The following KSR2 variants were observed in gnomAD, a reference collection of about 807,000 sequenced individuals.
KSR2 encodes the protein kinase suppressor of ras 2.
Under a neutral mutation model 107.8 loss-of-function variants are expected in KSR2, and 25 were observed. That is an observed-to-expected ratio of 0.23 (90% CI 0.17 to 0.32). KSR2 has a LOEUF of 0.32. KSR2 is among the 10% of genes least tolerant of loss of function. KSR2 has a pLI of 1.00. For missense variants in KSR2, 887 were observed against 1,268.9 expected, an observed-to-expected ratio of 0.70 and a Z score of 4.57; for synonymous variants, 480 against 507.0, an observed-to-expected ratio of 0.95 and a Z score of 0.71.
chr12:117,525,149 G>A lies in KSR2; in HGVS notation c.1922C>T (p.Ser641Leu), dbSNP rs531883128. Residue 641 changes from serine to leucine, a missense_variant, in exon 14 of 20, where the codon TCG becomes TTG. Around this residue, in one of 8 missense-constraint regions of KSR2, gnomAD observed 308 missense variants for 506.2 expected, o/e 0.61. Coordinates refer to ENST00000339824, the MANE Select transcript of KSR2 (RefSeq NM_173598.6). ...DFEEMNLSLL[S>L]ARSFPRKASQ... is the part of the protein sequence containing the mutation. ...GGCCTTGCGTGGGAAGCTCCGGGCC[G>A]AGAGGAGGGACAGGTTCATCTCCTC... 10 of 1,613,948 alleles carry A rather than the reference G, an allele frequency of 6.2e-6. No individual in the cohort carries two copies. The highest frequency in any genetic ancestry group is 5.5e-5 in the South Asian group (5 of 91,076).
chr12:117,817,863 G>A (rs1201683008), intron 3 of KSR2, among the ~76,000 whole-genome samples: 2 of 152,180 alleles, frequency 1.3e-5, no homozygotes, highest in Non-Finnish European at 2.9e-5. Context: ...CACTTTGGGA[G>A]GCCGAGGCAG....
At chr12:117,730,352 A>G (rs1336260867) in intron 4 of KSR2, among the ~76,000 whole-genome samples, 1 of 152,196 alleles carries the variant, frequency 6.6e-6, no homozygotes, top group Non-Finnish European at 1.5e-5. Context: ...GGCACTTAGC[A>G]CAATGCCCAT....
At chr12:117,681,995 A>C (rs146776745) in intron 4 of KSR2, among the ~76,000 whole-genome samples, 223 of 152,372 alleles carry the variant, frequency 1.5e-3, no homozygotes, top group African/African-American at 5.2e-3. Flanking sequence ...ACTATTCACA[A>C]TAGCAAAGAC....
intron 1 of KSR2, among the ~76,000 whole-genome samples, chr12:117,894,576 T>C (rs1894447886): frequency 6.6e-6 from 1 of 152,184 alleles, no homozygotes; most frequent in Non-Finnish European, 1.5e-5. Flanking sequence ...TGTCAAACTG[T>C]AATCCCCACA....
At chr12:117,948,676 G>A (rs556473054) in intron 1 of KSR2, among the ~76,000 whole-genome samples, 2 of 152,230 alleles carry the variant, frequency 1.3e-5, no homozygotes, top group Admixed American at 6.5e-5. Flanking sequence ...TCAATGAATG[G>A]TGTAGAAAAA....
chr12:117,704,452 A>G (rs1231935515), intron 4 of KSR2, among the ~76,000 whole-genome samples: 1 of 152,212 alleles, frequency 6.6e-6, no homozygotes, highest in Non-Finnish European at 1.5e-5. Flanking sequence ...GAGAGAAGGG[A>G]TCCCCCAAAA....
chr12:117,859,509 TGCAGA>T (rs1347947349), intron 2 of KSR2, among the ~76,000 whole-genome samples: 3 of 149,748 alleles, frequency 2.0e-5, no homozygotes, highest in Admixed American at 6.8e-5. Context: ...CAGGCTGGAG[TGCAGA>T]GGCATGATCA....
chr12:117,651,697 C>T (rs1375460137), intron 5 of KSR2, among the ~76,000 whole-genome samples: 3 of 152,128 alleles, frequency 2.0e-5, no homozygotes, highest in Non-Finnish European at 4.4e-5. Context: ...GGAAGAGATC[C>T]AAAGGCTCAG....
intron 7 of KSR2, among the ~76,000 whole-genome samples, chr12:117,559,294 C>G (rs1394734801): frequency 1.3e-5 from 2 of 152,148 alleles, no homozygotes; most frequent in Non-Finnish European, 2.9e-5. Context: ...TGGATGGCAG[C>G]TGTTTTATTA....
intron 7 of KSR2, among the ~76,000 whole-genome samples, chr12:117,559,216 G>A (rs1877939402): frequency 6.6e-6 from 1 of 152,130 alleles, no homozygotes; most frequent in Non-Finnish European, 1.5e-5. Flanking sequence ...CAGCAAACCA[G>A]GAAATTATCT....
intron 5 of KSR2, among the ~76,000 whole-genome samples, chr12:117,585,733 T>A (rs1230973384): frequency 6.6e-6 from 1 of 152,204 alleles, no homozygotes; most frequent in East Asian, 1.9e-4. Flanking sequence ...AACTTCTGCT[T>A]AACAATCAAA....
intron 3 of KSR2, among the ~76,000 whole-genome samples, chr12:117,833,500 C>G (rs1892063562): frequency 6.6e-6 from 1 of 152,084 alleles, no homozygotes; most frequent in South Asian, 2.1e-4. Context: ...ATAGCTGGGA[C>G]TACAGGCACA....
chr12:117,898,994 CTGTT>C, intron 1 of KSR2, among the ~76,000 whole-genome samples: 1 of 152,290 alleles, frequency 6.6e-6, no homozygotes, highest in East Asian at 1.9e-4. Flanking sequence ...TCTCTTTAGA[CTGTT>C]TATTTAAAGT....
chr12:117,756,827 G>A (rs971728989), intron 4 of KSR2, among the ~76,000 whole-genome samples: 8 of 152,134 alleles, frequency 5.3e-5, no homozygotes, highest in Non-Finnish European at 2.9e-5. Flanking sequence ...GGCTGAGGTG[G>A]GTGGATCACC....
intron 14 of KSR2, among the ~76,000 whole-genome samples, chr12:117,489,832 CA>C (rs1872655744): frequency 6.6e-6 from 1 of 152,134 alleles, no homozygotes; most frequent in Admixed American, 6.6e-5. Context: ...GGCAGATGTC[CA>C]GGATGACTGA....
intron 12 of KSR2, among the ~76,000 whole-genome samples, chr12:117,528,381 G>C (rs942680580): frequency 2.6e-5 from 4 of 152,066 alleles, no homozygotes; most frequent in Non-Finnish European, 5.9e-5. Context: ...AGCTGAGACA[G>C]GTGAGAAAAA....
rs1252603669 is a variant in KSR2, at chr12:117,840,099, TA to T, written c.472+15328del. ...CATTTTATTTTATTTTACTTTATTT[TA>T]TTTTATTTTTTTTTTTGAGATGGAG... On this transcript the variant is annotated intron_variant, in intron 3 of 19. Coordinates refer to ENST00000339824, the MANE Select transcript of KSR2 (RefSeq NM_173598.6). Among the ~76,000 whole-genome samples the T allele has an allele frequency of 1.2e-4, 14 of 120,400 alleles. 1 individual carries two copies. The highest frequency in any genetic ancestry group is 4.5e-4 in the African/African-American group (11 of 24,440). The allele number at this position is 120,400 out of a possible 152,430, so 79.0% of individuals were successfully genotyped here. A position where few individuals can be genotyped will look rare whatever the true frequency, so the allele number is the denominator to read the frequency against.
intron 5 of KSR2, among the ~76,000 whole-genome samples, chr12:117,622,964 A>G (rs189096584): frequency 4.5e-4 from 69 of 152,312 alleles, no homozygotes; most frequent in Admixed American, 4.2e-3. Context: ...ATGCACTCCA[A>G]TGGAGGAAGT....
At chr12:117,947,947 A>G (rs551929611) in intron 1 of KSR2, among the ~76,000 whole-genome samples, 87 of 152,310 alleles carry the variant, frequency 5.7e-4, no homozygotes, top group African/African-American at 2.0e-3. Flanking sequence ...TTAATATGTC[A>G]ATCCTCCCTG....
Sources: allele counts gnomAD v4.1 joint callset (sites outside exome capture counted in the v4.1 genomes callset), GRCh38; gene constraint gnomAD v4.1.1; regional missense constraint gnomAD v4.1.1; transcripts MANE v1.5; gene names NCBI Gene and HGNC (gene_info 2026-07-23, HGNC 2026-07-21).